GALNT9: variants seen among roughly 807,000 people sequenced by gnomAD.
The protein encoded by GALNT9 is polypeptide N-acetylgalactosaminyltransferase 9.
Under a neutral mutation model 63.1 loss-of-function variants are expected in GALNT9, and 47 were observed. The observed-to-expected ratio is 0.75, with a 90% CI of 0.59 to 0.95. The LOEUF (loss-of-function observed/expected upper bound fraction) is 0.95. Ranked by LOEUF, GALNT9 falls within the 40% of genes least tolerant of loss-of-function variation. The probability of loss-of-function intolerance (pLI) is 0.00; values close to 1 mark genes in which losing one functional copy is unlikely to be tolerated. For missense variants in GALNT9, 829 were observed against 874.8 expected, an observed-to-expected ratio of 0.95 and a Z score of 0.66; for synonymous variants, 396 against 365.7, an observed-to-expected ratio of 1.08 and a Z score of -0.94.
chr12:132,226,597 ACACACCC>A (rs1490165228), intron 6 of GALNT9, among the ~76,000 whole-genome samples: 16 of 142,802 alleles, frequency 1.1e-4, no homozygotes, highest in African/African-American at 3.5e-4. Context: ...CATACACACC[ACACACCC>A]CACACCCCAC....
intron 1 of GALNT9, among the ~76,000 whole-genome samples, chr12:132,291,786 C>G (rs200858013): frequency 1.3e-5 from 2 of 152,374 alleles, no homozygotes; most frequent in East Asian, 3.9e-4. Flanking sequence ...TTCCTCCCCC[C>G]TGCTTCCCCA....
In GALNT9 at chr12:132,289,756, C is replaced by T. The variant is rs559577068; in HGVS notation, c.239-3326G>A. ...ACCCGGGGCTCCATGCCTCCCCTCACTGCTGCGTCTGTGCTTAAGAGAACC... is the reference window on the plus strand; with the variant it reads ...ACCCGGGGCTCCATGCCTCCCCTCATTGCTGCGTCTGTGCTTAAGAGAACC... On this transcript the variant is annotated intron_variant, in intron 1 of 10. Coordinates refer to ENST00000328957, the MANE Select transcript of GALNT9 (RefSeq NM_001122636.2). 2.0e-5 allele frequency among the ~76,000 whole-genome samples: 3 copies of T among 152,362 alleles called. No individual in the cohort carries two copies. In the South Asian group the frequency reaches 6.2e-4, roughly 32 times the overall value.
chr12:132,273,727 A>T (rs1879953875), intron 2 of GALNT9: 1 of 152,310 alleles, frequency 6.6e-6, no homozygotes, highest in South Asian at 2.1e-4. Flanking sequence ...TTTGGAAAGC[A>T]TCAGAGTTCA....
At chr12:132,218,067 T>G (rs1877292150) in intron 6 of GALNT9, among the ~76,000 whole-genome samples, 1 of 150,936 alleles carries the variant, frequency 6.6e-6, no homozygotes, top group Non-Finnish European at 1.5e-5. Flanking sequence ...CATCTACCCA[T>G]CCATCCACCA....
rs1555246779 is a variant in GALNT9, at chr12:132,329,218, C to T, written c.-15G>A. 8.5e-6 allele frequency: 13 copies of T among 1,536,562 alleles called. No individual in the cohort carries two copies. Among genetic ancestry groups the T allele is most frequent in the Admixed American group, 2.0e-5 (1 of 50,606 alleles). ...GCCACCGCCATGAACACGGCTGCAG[C>T]GGGGGCCTCACCCGCGGGGCATCCC... On this transcript the variant is annotated 5_prime_UTR_variant, in exon 1 of 11. Transcript: ENST00000328957.
chr12:132,222,899 C>CACAA (rs1877509961), intron 6 of GALNT9, among the ~76,000 whole-genome samples: 6 of 98,286 alleles, frequency 6.1e-5, no homozygotes, highest in Admixed American at 1.1e-4. Context: ...ACAACCCGCA[C>CACAA]CCCACACCCC....
At chr12:132,295,310 G>A (rs1396062364) in intron 1 of GALNT9, among the ~76,000 whole-genome samples, 1 of 152,254 alleles carries the variant, frequency 6.6e-6, no homozygotes, top group Non-Finnish European at 1.5e-5. Context: ...TGCAGGCAGG[G>A]AAGGAGAGGC....
intron 6 of GALNT9, among the ~76,000 whole-genome samples, chr12:132,218,493 C>T (rs180856855): frequency 1.0e-3 from 157 of 152,324 alleles, no homozygotes; most frequent in African/African-American, 3.7e-3. Context: ...TTTCATTGAA[C>T]CTGATTTTTA....
chr12:132,296,665 T>A lies in GALNT9; in HGVS notation c.239-10235A>T, dbSNP rs1170736996. 1.3e-5 allele frequency among the ~76,000 whole-genome samples: 2 copies of A among 152,208 alleles called. No individual in the cohort carries two copies. Among genetic ancestry groups the A allele is most frequent in the Non-Finnish European group, 2.9e-5 (2 of 68,036 alleles). On this transcript the variant is annotated intron_variant, in intron 1 of 10. Transcript: ENST00000328957. The surrounding 1 kb of genome is among the most constrained non-coding windows in gnomAD (Gnocchi z 4.2). ...CACAGGCTGGTGGTGACAGCTGACCTGTCACACACCAACTTTCAGCACCAT... is the reference window on the plus strand; with the variant it reads ...CACAGGCTGGTGGTGACAGCTGACCAGTCACACACCAACTTTCAGCACCAT...
At position 132,329,365 on chromosome 12, in the gene GALNT9, C is replaced by T. The variant is rs1862344176; in HGVS notation, c.-162G>A. The stretch of plus-strand genomic sequence containing the variant: ...TTCAGCACCAGCTCAGCGCGCCGGG[C>T]CACGGCCGCCGGGGGTCCCCCAGAG... On this transcript the variant is annotated 5_prime_UTR_variant, in exon 1 of 11. Coordinates refer to ENST00000328957, the MANE Select transcript of GALNT9 (RefSeq NM_001122636.2). The T allele has an allele frequency of 2.1e-5, 23 of 1,100,524 alleles. No individual in the cohort carries two copies. Among genetic ancestry groups the T allele is most frequent in the Non-Finnish European group, 2.6e-5 (22 of 838,448 alleles). The allele number at this position is 1,100,524 out of a possible 1,614,324, so 68.2% of individuals were successfully genotyped here. A position where few individuals can be genotyped will look rare whatever the true frequency, so the allele number is the denominator to read the frequency against.
At chr12:132,325,394 C>T (rs1173706731) in intron 1 of GALNT9, among the ~76,000 whole-genome samples, 3 of 152,190 alleles carry the variant, frequency 2.0e-5, no homozygotes, top group Non-Finnish European at 4.4e-5. Context: ...TCAGTGGACA[C>T]GAGCGAGGTG....
At chr12:132,309,877 C>T in intron 1 of GALNT9, among the ~76,000 whole-genome samples, 1 of 152,238 alleles carries the variant, frequency 6.6e-6, no homozygotes, top group East Asian at 1.9e-4. Flanking sequence ...CGGGCCACCA[C>T]CCGTCCCCTG....
At chr12:132,263,297 G>T (rs1379473914) in intron 2 of GALNT9, among the ~76,000 whole-genome samples, 10 of 152,214 alleles carry the variant, frequency 6.6e-5, no homozygotes. Context: ...TCATCACTCA[G>T]AAAAATGCTT....
At chr12:132,202,414 G>T (rs1391626224) in intron 7 of GALNT9, among the ~76,000 whole-genome samples, 1 of 152,232 alleles carries the variant, frequency 6.6e-6, no homozygotes, top group African/African-American at 2.4e-5. Flanking sequence ...TATGGGGGCT[G>T]GATGCTGGAT....
Position 132,327,113 on chromosome 12 carries a change from A to G in GALNT9, c.238+1853T>C, listed in dbSNP as rs1869068492. Among the ~76,000 whole-genome samples the G allele has an allele frequency of 6.6e-6, 1 of 152,322 alleles. No homozygotes were observed. The highest frequency in any genetic ancestry group is 2.4e-5 in the African/African-American group (1 of 41,580). On this transcript the variant is annotated intron_variant, in intron 1 of 10. Transcript: ENST00000328957. This position sits in a 1 kb window ranked among gnomAD's most constrained non-coding sequence, Gnocchi z 4.3. ...AGGTTGAGGGCAAAGACAGAGGCAGACAGATGGCAGGGGCCGTTCGGAGAA... is the reference window on the plus strand; with the variant it reads ...AGGTTGAGGGCAAAGACAGAGGCAGGCAGATGGCAGGGGCCGTTCGGAGAA...
chr12:132,329,106 C>A lies in GALNT9; in HGVS notation c.98G>T (p.Arg33Leu). The part of the protein sequence containing the change: ...LFSVYCRLQG[R>L]SQELVRIVSG... ...CACGATGCGCACGAGCTCCTGGGAGCGGCCCTGCAGGCGGCAGTACACGGA... is the reference window on the plus strand; with the variant it reads ...CACGATGCGCACGAGCTCCTGGGAGAGGCCCTGCAGGCGGCAGTACACGGA... Residue 33 changes from arginine to leucine, a missense_variant, in exon 1 of 11, where the codon CGC (arginine) becomes CTC (leucine). Coordinates refer to ENST00000328957, the MANE Select transcript of GALNT9 (RefSeq NM_001122636.2). 1 of 1,549,254 alleles carries A rather than the reference C, an allele frequency of 6.5e-7. No homozygotes were observed. The highest frequency in any genetic ancestry group is 8.7e-7 in the Non-Finnish European group (1 of 1,146,558).
intron 6 of GALNT9, among the ~76,000 whole-genome samples, chr12:132,240,023 G>A (rs1029544723): frequency 6.6e-5 from 10 of 152,146 alleles, no homozygotes; most frequent in African/African-American, 2.4e-4. Context: ...CCCCAACCCA[G>A]GCCCGCCGCT....
rs1555243302 is a variant in GALNT9 at position 132,296,846 on chromosome 12, G to A, written c.239-10416C>T. On this transcript the variant is annotated intron_variant, in intron 1 of 10. Coordinates refer to ENST00000328957, the MANE Select transcript of GALNT9 (RefSeq NM_001122636.2). The surrounding 1 kb of genome is among the most constrained non-coding windows in gnomAD (Gnocchi z 4.2). ...CACACACGCATTGGGGGCTGGGCGG[G>A]GGGAGGGTGGAACTCTTCCTTCCAT... Among the ~76,000 whole-genome samples the A allele has an allele frequency of 6.6e-6, 1 of 151,938 alleles. No individual in the cohort carries two copies. The highest frequency in any genetic ancestry group is 1.5e-5 in the Non-Finnish European group (1 of 67,988).
At chr12:132,289,755 A>T (rs913646049) in intron 1 of GALNT9, among the ~76,000 whole-genome samples, 2 of 152,046 alleles carry the variant, frequency 1.3e-5, no homozygotes, top group Non-Finnish European at 2.9e-5. Flanking sequence ...GCCTCCCCTC[A>T]CTGCTGCGTC....
Sources: allele counts gnomAD v4.1 joint callset (sites outside exome capture counted in the v4.1 genomes callset), GRCh38; gene constraint gnomAD v4.1.1; non-coding constraint Gnocchi (gnomAD v3.1); transcripts MANE v1.5; gene names NCBI Gene and HGNC (gene_info 2026-07-23, HGNC 2026-07-21).